The following CLMN variants were observed in gnomAD, a reference collection of about 807,000 sequenced individuals.
CLMN encodes the protein calmin (calponin-like, transmembrane).
In CLMN, 57 loss-of-function variants were observed where a neutral mutation model predicts 92.7. That is an observed-to-expected ratio of 0.61 (90% CI 0.50 to 0.77). The LOEUF is 0.77. Ranked by LOEUF, CLMN falls within the 30% of genes least tolerant of loss-of-function variation. The pLI, the probability that CLMN is intolerant of heterozygous loss-of-function variation, is 0.00. For missense variants in CLMN, 1,158 were observed against 1,237.5 expected (o/e 0.94, Z 0.96); for synonymous variants, 466 against 470.6 (o/e 0.99, Z 0.13).
At chr14:95,193,944 GC>G in intron 11 of CLMN, 25 bp from the exon 12 acceptor site, 1 of 1,610,512 alleles carries the variant, frequency 6.2e-7, no homozygotes, top group Non-Finnish European at 8.5e-7. Flanking sequence ...ATAAACAAAA[GC>G]CCCCGCAACC....
chr14:95,268,794 C>CTTTTT lies in CLMN; in HGVS notation c.83-38666_83-38662dup, dbSNP rs985091508. Among the ~76,000 whole-genome samples, 6 of 63,110 alleles carry CTTTTT rather than the reference C, an allele frequency of 9.5e-5. No individual in the cohort carries two copies. The South Asian group carries it at 1.6e-3, about 17-fold the overall frequency. 41.4% of individuals were successfully genotyped at this position (63,110 alleles called of 152,430 possible). On this transcript the variant is annotated intron_variant, in intron 1 of 12. Transcript: ENST00000298912. Reference sequence around the variant, plus strand: ...TACTGGGACCTCTCTCTCTCTCTCTCTTTTTTTTTTTTTTTTTTTTTTTTT... The same window carrying CTTTTT: ...TACTGGGACCTCTCTCTCTCTCTCTCTTTTTTTTTTTTTTTTTTTTTTTTTTTTTT...
chr14:95,262,911 T>C (rs887664326), intron 1 of CLMN, among the ~76,000 whole-genome samples: 4 of 152,170 alleles, frequency 2.6e-5, no homozygotes, highest in African/African-American at 9.7e-5. Flanking sequence ...AGTCAAGTCA[T>C]GTGTCCAAGG....
intron 4 of CLMN, among the ~76,000 whole-genome samples, chr14:95,217,549 G>A (rs1307874241): frequency 6.6e-6 from 1 of 152,212 alleles, no homozygotes; most frequent in Admixed American, 6.5e-5. Context: ...TTCAGGTTCA[G>A]TACTATCTCC....
intron 9 of CLMN, among the ~76,000 whole-genome samples, chr14:95,201,956 C>T (rs569928412): frequency 1.3e-5 from 2 of 152,226 alleles, no homozygotes; most frequent in Non-Finnish European, 2.9e-5. Flanking sequence ...ATATGTACCA[C>T]ATTTTCTTTA....
At chr14:95,312,881 A>T (rs1296336868) in intron 1 of CLMN, among the ~76,000 whole-genome samples, 2 of 152,160 alleles carry the variant, frequency 1.3e-5, no homozygotes, top group Non-Finnish European at 2.9e-5. Flanking sequence ...TCACTGACAG[A>T]CATACACACA....
chr14:95,268,581 T>C (rs1045646498), intron 1 of CLMN, among the ~76,000 whole-genome samples: 1 of 152,116 alleles, frequency 6.6e-6, no homozygotes, highest in Admixed American at 6.5e-5. Flanking sequence ...TTGACTGCCA[T>C]GGTGGTCACA....
In CLMN at chr14:95,183,321, T is replaced by TG. The variant is rs1490581280; in HGVS notation, c.*8242dup. On this transcript the variant is annotated 3_prime_UTR_variant, in exon 13 of 13. Transcript: ENST00000298912. ...CTGGCATTCTGGCACAGCATGGGCT[T>TG]GTAGAGAATACACACCTATTGATTT... is the stretch of plus-strand genomic sequence containing the variant. 1.3e-5 allele frequency: 2 copies of TG among 152,256 alleles called. No homozygotes were observed. Among genetic ancestry groups the TG allele is most frequent in the Admixed American group, 6.5e-5 (1 of 15,290 alleles). 9.4% of individuals were successfully genotyped at this position (152,256 alleles called of 1,614,324 possible).
chr14:95,194,418 C>G lies in CLMN; in HGVS notation c.2769+118G>C. 2.6e-6 allele frequency: 4 copies of G among 1,565,424 alleles called. No homozygotes were observed. The highest frequency in any genetic ancestry group is 3.5e-6 in the Non-Finnish European group (4 of 1,154,652). ...AGGTTCCAATCTGCTTGTCTTCTAT[C>G]CAAAAGTATAGCTGTTGCATGCCAG... On this transcript the variant is annotated intron_variant, in intron 11 of 12. Coordinates refer to ENST00000298912, the MANE Select transcript of CLMN (RefSeq NM_024734.4). The surrounding 1 kb of genome is among the most constrained non-coding windows in gnomAD (Gnocchi z 4.0).
intron 1 of CLMN, among the ~76,000 whole-genome samples, chr14:95,313,612 T>C (rs1352358036): frequency 6.7e-6 from 1 of 148,786 alleles, no homozygotes; most frequent in Non-Finnish European, 1.5e-5. Flanking sequence ...ATTCCTTCTG[T>C]GACTAACGCA....
chr14:95,219,792 T>C (rs7158880), intron 4 of CLMN, among the ~76,000 whole-genome samples: 77,911 of 151,960 alleles, frequency 0.51, 20,523 homozygotes, highest in African/African-American at 0.6. Context: ...TTATAAAAAG[T>C]TTTAATGAGC....
In CLMN at chr14:95,259,964, T is replaced by C. The variant is rs1899185086; in HGVS notation, c.83-29831A>G. On this transcript the variant is annotated intron_variant, in intron 1 of 12. Coordinates refer to ENST00000298912, the MANE Select transcript of CLMN (RefSeq NM_024734.4). The surrounding 1 kb of genome is among the most constrained non-coding windows in gnomAD (Gnocchi z 4.3). ...GTCTGGCACTCTCTCCCTGCACTTCTCCACCTGCTCGTCAAATTCCTCTGG... is the reference window on the plus strand; with the variant it reads ...GTCTGGCACTCTCTCCCTGCACTTCCCCACCTGCTCGTCAAATTCCTCTGG... Among the ~76,000 whole-genome samples the C allele has an allele frequency of 6.6e-6, 1 of 152,124 alleles. No homozygotes were observed. Among genetic ancestry groups the C allele is most frequent in the Non-Finnish European group, 1.5e-5 (1 of 68,028 alleles).
intron 1 of CLMN, among the ~76,000 whole-genome samples, chr14:95,275,407 T>TA (rs1462488704): frequency 2.0e-5 from 3 of 152,158 alleles, no homozygotes; most frequent in African/African-American, 7.2e-5. Context: ...CATTAGATGC[T>TA]AATTATAATG....
In CLMN at chr14:95,293,398, C is replaced by CTCCT. The variant is rs201378883; in HGVS notation, c.82+26309_82+26312dup. ...CTTCCCTCCCTCCTTCCTTCCCTCC[C>CTCCT]TCCTTCCTTCCTTCCTTCTCTCAAT... On this transcript the variant is annotated intron_variant, in intron 1 of 12. Coordinates refer to ENST00000298912, the MANE Select transcript of CLMN (RefSeq NM_024734.4). 7.1e-3 allele frequency among the ~76,000 whole-genome samples: 820 copies of CTCCT among 115,488 alleles called. 13 individuals are homozygous for CTCCT. Among genetic ancestry groups the CTCCT allele is most frequent in the South Asian group, 0.021 (70 of 3,356 alleles). The allele number at this position is 115,488 out of a possible 152,430, so 75.8% of individuals were successfully genotyped here.
chr14:95,274,794 C>T lies in CLMN; in HGVS notation c.83-44661G>A, dbSNP rs370616493. ...AAGAGATCAAGACCATCTTGGCCAA[C>T]AAGGTGAAACCCTGTCTCTACTAAA... On this transcript the variant is annotated intron_variant, in intron 1 of 12. Coordinates refer to ENST00000298912, the MANE Select transcript of CLMN (RefSeq NM_024734.4). 5.9e-5 allele frequency among the ~76,000 whole-genome samples: 9 copies of T among 152,290 alleles called. No individual in the cohort carries two copies. The East Asian group carries it at 1.2e-3, about 20-fold the overall frequency.
chr14:95,275,222 C>A (rs74793406), intron 1 of CLMN, among the ~76,000 whole-genome samples: 32,576 of 151,954 alleles, frequency 0.21, 4,016 homozygotes, highest in African/African-American at 0.34. Context: ...CTGAGACCTA[C>A]AGGGCTGCAT....
intron 1 of CLMN, among the ~76,000 whole-genome samples, chr14:95,243,619 AT>A (rs143830474): frequency 2.7e-5 from 4 of 150,746 alleles, no homozygotes; most frequent in South Asian, 2.1e-4. Flanking sequence ...TGATTCCTTG[AT>A]TTTTTTTTCG....
chr14:95,213,870 T>C (rs148006905), intron 5 of CLMN, among the ~76,000 whole-genome samples: 2 of 152,230 alleles, frequency 1.3e-5, no homozygotes, highest in Non-Finnish European at 2.9e-5. Context: ...AACCCTAGGC[T>C]CTACCCCAGA....
chr14:95,305,420 G>C (rs375090050), intron 1 of CLMN, among the ~76,000 whole-genome samples: 18 of 152,290 alleles, frequency 1.2e-4, no homozygotes, highest in African/African-American at 4.3e-4. Flanking sequence ...TGAACAAGAG[G>C]CTTCTTTGAA....
intron 1 of CLMN, among the ~76,000 whole-genome samples, chr14:95,300,955 G>T (rs911885032): frequency 2.0e-5 from 3 of 152,194 alleles, no homozygotes; most frequent in Admixed American, 6.5e-5. Flanking sequence ...GAAGGGCTCT[G>T]GTTGGTTTGA....
Sources: gnomAD v4.1 joint callset for allele counts (sites outside exome capture counted in the v4.1 genomes callset) on GRCh38, gnomAD v4.1.1 for gene constraint, Gnocchi (gnomAD v3.1) non-coding constraint, MANE v1.5 for transcripts, NCBI Gene and HGNC (gene_info 2026-07-23, HGNC 2026-07-21) for gene names.